Variants in FOXK1 observed in about 807,000 individuals in gnomAD.
FOXK1 encodes forkhead box protein K1.
In FOXK1, 19 loss-of-function variants were observed where a neutral mutation model predicts 51.9. The observed-to-expected ratio is 0.37, with a 90% CI of 0.26 to 0.54. The LOEUF (loss-of-function observed/expected upper bound fraction) is 0.54, where lower values mean the gene tolerates loss of function less well. FOXK1 is among the 20% of genes least tolerant of loss of function. The probability of loss-of-function intolerance (pLI) is 0.87; values close to 1 mark genes in which losing one functional copy is unlikely to be tolerated. For missense variants in FOXK1, 870 were observed against 1,032.7 expected, an observed-to-expected ratio of 0.84 and a Z score of 2.16; for synonymous variants, 537 against 482.6, an observed-to-expected ratio of 1.11 and a Z score of -1.48.
At position 4,749,204 on chromosome 7, in the gene FOXK1, T is replaced by G. The variant is rs74697185; in HGVS notation, c.747-5255T>G. Among the ~76,000 whole-genome samples the G allele has an allele frequency of 0.015, 2,227 of 152,332 alleles. 54 individuals are homozygous for G. The highest frequency in any genetic ancestry group is 0.051 in the African/African-American group (2,119 of 41,550). ...GGTGTGCTTTGCATGCTGTTCTTAC[T>G]GTCCTACAGAGACGGCATCGTTACC... On this transcript the variant is annotated intron_variant, in intron 2 of 8. Transcript: ENST00000328914. This position sits in a 1 kb window ranked among gnomAD's most constrained non-coding sequence, Gnocchi z 6.0.
At chr7:4,687,540 G>A (rs961665789) in intron 1 of FOXK1, among the ~76,000 whole-genome samples, 3 of 151,562 alleles carry the variant, frequency 2.0e-5, no homozygotes, top group South Asian at 2.1e-4. Flanking sequence ...TGATCCACCC[G>A]CCTTGGCCTC....
Position 4,723,051 on chromosome 7 carries a change from CT to C in FOXK1, c.561-17785del, listed in dbSNP as rs2115049038. 6.6e-6 allele frequency among the ~76,000 whole-genome samples: 1 copy of C among 152,150 alleles called. No individual in the cohort carries two copies. Among genetic ancestry groups the C allele is most frequent in the African/African-American group, 2.4e-5 (1 of 41,504 alleles). On this transcript the variant is annotated intron_variant, in intron 1 of 8. Coordinates refer to ENST00000328914, the MANE Select transcript of FOXK1 (RefSeq NM_001037165.2). The surrounding 1 kb of genome is among the most constrained non-coding windows in gnomAD (Gnocchi z 4.7). ...CAGATCACCACACAACCTGTATCAG[CT>C]TGTGATCCCGAACAAAAACCCGTCT...
rs991165349 is a variant in FOXK1 at position 4,740,905 on chromosome 7, GCCC to G, written c.630_632del (p.Pro211del). Reference sequence around the variant, plus strand: ...CACGTCGCTCTATCACAAAGAAGAGGCCCCAGCCTCCCCGCTGCGGCCACTGTA... The same window carrying G: ...CACGTCGCTCTATCACAAAGAAGAGGCAGCCTCCCCGCTGCGGCCACTGTA... On this transcript the variant is annotated inframe_deletion, in exon 2 of 9. Transcript: ENST00000328914. 1.3e-6 allele frequency: 2 copies of G among 1,589,228 alleles called. No homozygotes were observed. The highest frequency in any genetic ancestry group is 3.6e-5 in the Admixed American group (2 of 56,116).
At chr7:4,708,560 A>C (rs572732231) in intron 1 of FOXK1, among the ~76,000 whole-genome samples, 23 of 152,246 alleles carry the variant, frequency 1.5e-4, no homozygotes, top group South Asian at 2.1e-4. Context: ...CAAGTTTAAG[A>C]AATTGATATC....
intron 1 of FOXK1, among the ~76,000 whole-genome samples, chr7:4,702,642 G>A (rs1780035205): frequency 6.6e-6 from 1 of 152,206 alleles, no homozygotes. Context: ...CACCGCACCC[G>A]GCCAGCATTC....
chr7:4,754,401 C>T, intron 2 of FOXK1, 58 bp from the exon 3 acceptor site: 1 of 1,583,852 alleles, frequency 6.3e-7, no homozygotes, highest in South Asian at 1.1e-5. Context: ...AAGCCCTGAG[C>T]CCCACAGGGG....
Position 4,703,803 on chromosome 7 carries a change from GC to G in FOXK1, c.560+20937del, listed in dbSNP as rs1461699429. On this transcript the variant is annotated intron_variant, in intron 1 of 8. Coordinates refer to ENST00000328914, the MANE Select transcript of FOXK1 (RefSeq NM_001037165.2). The surrounding 1 kb of genome is among the most constrained non-coding windows in gnomAD (Gnocchi z 5.6). ...GTAGGTGAAAAGGGAATCGCAGCCTGCCGAGAGCTTTAGAGAGACTCCCCTA... is the reference window on the plus strand; with the variant it reads ...GTAGGTGAAAAGGGAATCGCAGCCTGCGAGAGCTTTAGAGAGACTCCCCTA... 1.3e-5 allele frequency among the ~76,000 whole-genome samples: 2 copies of G among 152,140 alleles called. No individual in the cohort carries two copies. The highest frequency in any genetic ancestry group is 3.9e-4 in the East Asian group (2 of 5,176).
chr7:4,684,534 AT>A (rs918450547), intron 1 of FOXK1, among the ~76,000 whole-genome samples: 1 of 152,206 alleles, frequency 6.6e-6, no homozygotes, highest in African/African-American at 2.4e-5. Context: ...GAGATAACAA[AT>A]TTGTTCTTTG....
chr7:4,726,758 C>G (rs955345242), intron 1 of FOXK1, among the ~76,000 whole-genome samples: 3 of 152,212 alleles, frequency 2.0e-5, no homozygotes, highest in African/African-American at 7.2e-5. Flanking sequence ...CAAGACTTCT[C>G]TTTTCGCCCA....
At chr7:4,721,277 T>A (rs545108500) in intron 1 of FOXK1, among the ~76,000 whole-genome samples, 1 of 152,134 alleles carries the variant, frequency 6.6e-6, no homozygotes, top group Non-Finnish European at 1.5e-5. Flanking sequence ...ACAGGGGCCT[T>A]GGAAACCCCC....
intron 2 of FOXK1, among the ~76,000 whole-genome samples, chr7:4,744,326 G>C (rs984050090): frequency 4.6e-5 from 7 of 152,062 alleles, no homozygotes; most frequent in Non-Finnish European, 7.4e-5. Context: ...ATTACTGGTG[G>C]GGATTGCGCT....
At chr7:4,737,539 C>T (rs1024633800) in intron 1 of FOXK1, among the ~76,000 whole-genome samples, 5 of 130,518 alleles carry the variant, frequency 3.8e-5, no homozygotes, top group Non-Finnish European at 6.3e-5. Context: ...CATTCATGCA[C>T]GTGTGTGCGT....
In FOXK1 at chr7:4,707,929, C is replaced by T. The variant is rs1780125487; in HGVS notation, c.560+25061C>T. 6.6e-6 allele frequency among the ~76,000 whole-genome samples: 1 copy of T among 152,098 alleles called. No homozygotes were observed. The highest frequency in any genetic ancestry group is 2.1e-4 in the South Asian group (1 of 4,818). ...GAACTCCTGCCCCAAGTGATCCACC[C>T]TCCTCAGCCTCCCAAAGTGCTGGGA... On this transcript the variant is annotated intron_variant, in intron 1 of 8. Coordinates refer to ENST00000328914, the MANE Select transcript of FOXK1 (RefSeq NM_001037165.2). The surrounding 1 kb of genome is among the most constrained non-coding windows in gnomAD (Gnocchi z 4.1).
At chr7:4,702,802 C>A (rs975333548) in intron 1 of FOXK1, among the ~76,000 whole-genome samples, 2 of 152,234 alleles carry the variant, frequency 1.3e-5, no homozygotes, top group East Asian at 3.8e-4. Flanking sequence ...TGTAGCCCCC[C>A]ATCCTGGACG....
In FOXK1 at chr7:4,763,888, C is replaced by T. The variant is rs1461479412; in HGVS notation, c.*1424C>T. 6.6e-6 allele frequency: 1 copy of T among 152,296 alleles called. No homozygotes were observed. The highest frequency in any genetic ancestry group is 1.5e-5 in the Non-Finnish European group (1 of 68,088). 9.4% of individuals were successfully genotyped at this position (152,296 alleles called of 1,614,324 possible). Reference sequence around the variant, plus strand: ...TTTGCTGGCCGCTCCGGCGCTGGCTCTCCTGTCCGGGACCACAACGAGAAA... The same window carrying T: ...TTTGCTGGCCGCTCCGGCGCTGGCTTTCCTGTCCGGGACCACAACGAGAAA... On this transcript the variant is annotated 3_prime_UTR_variant, in exon 9 of 9. Coordinates refer to ENST00000328914, the MANE Select transcript of FOXK1 (RefSeq NM_001037165.2).
Position 4,721,593 on chromosome 7 carries a change from T to C in FOXK1, c.561-19245T>C, listed in dbSNP as rs534559415. 1.1e-4 allele frequency among the ~76,000 whole-genome samples: 15 copies of C among 142,516 alleles called. 1 individual carries two copies. The highest frequency in any genetic ancestry group is 4.5e-4 in the East Asian group (2 of 4,416). 93.5% of individuals were successfully genotyped at this position (142,516 alleles called of 152,430 possible). ...TCTTTTCTTTTTCTTTTTTTTCTTT[T>C]TTTTTTTTTTTTTTTGAGTCAGAGT... is the stretch of plus-strand genomic sequence containing the variant. On this transcript the variant is annotated intron_variant, in intron 1 of 8. Coordinates refer to ENST00000328914, the MANE Select transcript of FOXK1 (RefSeq NM_001037165.2).
chr7:4,688,862 G>A (rs528937831), intron 1 of FOXK1, among the ~76,000 whole-genome samples: 19 of 152,064 alleles, frequency 1.2e-4, no homozygotes, highest in Non-Finnish European at 2.6e-4. Flanking sequence ...TGCCAGAACT[G>A]CCTTCTAGGT....
At position 4,761,902 on chromosome 7, in the gene FOXK1, C is replaced by A. The variant is rs921411163; in HGVS notation, c.1922-282C>A. ...AGTGGGGTGGCTCAGGGCAGTGCAT[C>A]TGTGTAAAGGAGTGAGGCAAGCCGT... On this transcript the variant is annotated intron_variant, in intron 8 of 8. Coordinates refer to ENST00000328914, the MANE Select transcript of FOXK1 (RefSeq NM_001037165.2). The surrounding 1 kb of genome is among the most constrained non-coding windows in gnomAD (Gnocchi z 6.2). 3.3e-4 allele frequency among the ~76,000 whole-genome samples: 50 copies of A among 152,046 alleles called. No homozygotes were observed. Among genetic ancestry groups the A allele is most frequent in the African/African-American group, 1.2e-3 (49 of 41,448 alleles).
intron 7 of FOXK1, among the ~76,000 whole-genome samples, chr7:4,760,376 C>G (rs1344222184): frequency 1.3e-5 from 2 of 152,160 alleles, no homozygotes; most frequent in African/African-American, 4.8e-5. Flanking sequence ...CAGCGCCCTC[C>G]TAGGCCACTC....
Sources: allele counts gnomAD v4.1 joint callset (sites outside exome capture counted in the v4.1 genomes callset), GRCh38; gene constraint gnomAD v4.1.1; non-coding constraint Gnocchi (gnomAD v3.1); transcripts MANE v1.5; gene names NCBI Gene and HGNC (gene_info 2026-07-23, HGNC 2026-07-21).